Variants in KIAA0040 observed in about 807,000 individuals in gnomAD.
The protein encoded by KIAA0040 is KIAA0040.
Under a neutral mutation model 7.2 loss-of-function variants are expected in KIAA0040, and 10 were observed. The observed-to-expected ratio is 1.38, with a 90% CI of 0.85 to 2.34. The LOEUF is 2.34. KIAA0040 is among the 30% of genes most tolerant of loss of function. The pLI, the probability that KIAA0040 is intolerant of heterozygous loss-of-function variation, is 0.00. For missense variants in KIAA0040, 89 were observed against 108.2 expected (o/e 0.82, Z 0.79); for synonymous variants, 49 against 40.1 (o/e 1.22, Z -0.84).
At chr1:175,187,623 C>A (rs1677713061) in intron 1 of KIAA0040, among the ~76,000 whole-genome samples, 1 of 152,266 alleles carries the variant, frequency 6.6e-6, no homozygotes, top group South Asian at 2.1e-4. Context: ...TGTCACATGT[C>A]ATTTAAGTTA....
chr1:175,164,910 C>T (rs1321298681), intron 3 of KIAA0040, among the ~76,000 whole-genome samples: 2 of 152,120 alleles, frequency 1.3e-5, no homozygotes, highest in East Asian at 3.8e-4. Flanking sequence ...CACACTTCGG[C>T]CCCTGGAAGT....
intron 2 of KIAA0040, among the ~76,000 whole-genome samples, chr1:175,171,767 T>A (rs1677004359): frequency 6.6e-6 from 1 of 152,252 alleles, no homozygotes; most frequent in African/African-American, 2.4e-5. Flanking sequence ...GCTGGGACTT[T>A]CTGATAACAA....
intron 3 of KIAA0040, among the ~76,000 whole-genome samples, chr1:175,161,761 C>T (rs1676553518): frequency 6.6e-6 from 1 of 152,158 alleles, no homozygotes; most frequent in Admixed American, 6.5e-5. Flanking sequence ...CATGTCTCCT[C>T]CCCTCCTTAT....
chr1:175,179,175 T>C (rs1489183502), intron 1 of KIAA0040, among the ~76,000 whole-genome samples: 1 of 151,352 alleles, frequency 6.6e-6, no homozygotes, highest in Non-Finnish European at 1.5e-5. Context: ...TAAGGAAGAG[T>C]GGGAACTGAG....
At chr1:175,179,969 G>A (rs563715054) in intron 1 of KIAA0040, among the ~76,000 whole-genome samples, 3 of 152,252 alleles carry the variant, frequency 2.0e-5, no homozygotes, top group East Asian at 1.9e-4. Context: ...AATCCCCTTC[G>A]CAGTTTACAA....
In KIAA0040 at chr1:175,188,342, G is replaced by A. The variant is rs139623807; in HGVS notation, c.-384+4298C>T. Among the ~76,000 whole-genome samples, 72 of 152,318 alleles carry A rather than the reference G, an allele frequency of 4.7e-4. No homozygotes were observed. In the East Asian group the frequency reaches 0.01, roughly 22 times the overall value. On this transcript the variant is annotated intron_variant, in intron 1 of 3. Transcript: ENST00000423313. ...TGTTCAGATGGCTCAGACTGATGTG[G>A]CGGAAAAGCTAGAAACCTGGCCTGG...
Position 175,159,781 on chromosome 1 carries a change from A to G in KIAA0040, c.*933T>C, listed in dbSNP as rs1160556692. ...AGGTACACAGTTGCAGTCCACTGAC[A>G]TAAATGAGTGGGCTTCCATAATTTT... On this transcript the variant is annotated 3_prime_UTR_variant, in exon 4 of 4. Transcript: ENST00000423313. 4 of 152,256 alleles carry G rather than the reference A, an allele frequency of 2.6e-5. No homozygotes were observed. The highest frequency in any genetic ancestry group is 9.7e-5 in the African/African-American group (4 of 41,440). 9.4% of individuals were successfully genotyped at this position (152,256 alleles called of 1,614,324 possible).
At chr1:175,183,388 T>G (rs1677520732) in intron 1 of KIAA0040, among the ~76,000 whole-genome samples, 1 of 152,238 alleles carries the variant, frequency 6.6e-6, no homozygotes, top group South Asian at 2.1e-4. Flanking sequence ...GTGAGGGCTA[T>G]GCTATGTCCA....
chr1:175,188,069 T>G lies in KIAA0040; in HGVS notation c.-384+4571A>C, dbSNP rs1429902862. Among the ~76,000 whole-genome samples, 4 of 152,190 alleles carry G rather than the reference T, an allele frequency of 2.6e-5. No homozygotes were observed. In the East Asian group the frequency reaches 7.7e-4, roughly 29 times the overall value. On this transcript the variant is annotated intron_variant, in intron 1 of 3. Coordinates refer to ENST00000423313, the MANE Select transcript of KIAA0040 (RefSeq NM_014656.3). Reference sequence around the variant, plus strand: ...TCTAAATACAATCATCTCTTCAATTTTGACCAAGAACTACAGCAATGGTTA... The same window carrying G: ...TCTAAATACAATCATCTCTTCAATTGTGACCAAGAACTACAGCAATGGTTA...
chr1:175,174,812 T>TAC (rs1558395437), intron 2 of KIAA0040, among the ~76,000 whole-genome samples: 1 of 147,000 alleles, frequency 6.8e-6, no homozygotes, highest in Non-Finnish European at 1.5e-5. Flanking sequence ...CATATATATA[T>TAC]ATATATACAC....
intron 1 of KIAA0040, among the ~76,000 whole-genome samples, chr1:175,179,836 T>C (rs1677366834): frequency 6.6e-6 from 1 of 152,242 alleles, no homozygotes; most frequent in African/African-American, 2.4e-5. Context: ...TTGTTCAAAA[T>C]TGTAAAGCTG....
intron 1 of KIAA0040, among the ~76,000 whole-genome samples, chr1:175,189,988 T>C (rs1315606094): frequency 5.9e-5 from 9 of 152,198 alleles, no homozygotes; most frequent in Admixed American, 5.2e-4. Flanking sequence ...CAGACCTAAA[T>C]AACTACTCTG....
intron 1 of KIAA0040, among the ~76,000 whole-genome samples, chr1:175,182,145 T>C (rs1677465620): frequency 6.6e-6 from 1 of 152,166 alleles, no homozygotes; most frequent in African/African-American, 2.4e-5. Context: ...GATAGGGCCA[T>C]AGGCAGGAGT....
intron 1 of KIAA0040, among the ~76,000 whole-genome samples, chr1:175,178,295 T>A (rs1677287785): frequency 6.6e-6 from 1 of 152,212 alleles, no homozygotes; most frequent in Non-Finnish European, 1.5e-5. Context: ...GGCAGCACCT[T>A]CAGTGTGAGC....
At chr1:175,186,895 T>C in intron 1 of KIAA0040, among the ~76,000 whole-genome samples, 1 of 152,136 alleles carries the variant, frequency 6.6e-6, no homozygotes, top group Middle Eastern at 3.2e-3. Flanking sequence ...CATTATGGAA[T>C]GATGTGGGTC....
chr1:175,183,651 C>T (rs899034746), intron 1 of KIAA0040, among the ~76,000 whole-genome samples: 2 of 152,176 alleles, frequency 1.3e-5, no homozygotes, highest in Non-Finnish European at 2.9e-5. Context: ...GGGAGCCAGC[C>T]GAACAAGGGT....
chr1:175,172,250 T>C (rs934985239), intron 2 of KIAA0040, among the ~76,000 whole-genome samples: 5 of 152,198 alleles, frequency 3.3e-5, no homozygotes, highest in Non-Finnish European at 7.3e-5. Context: ...CTGTACTAAA[T>C]GTGAGTGAAT....
chr1:175,179,928 G>A (rs1677370510), intron 1 of KIAA0040, among the ~76,000 whole-genome samples: 2 of 152,146 alleles, frequency 1.3e-5, no homozygotes, highest in African/African-American at 4.8e-5. Context: ...CTCCTAAAAT[G>A]CAACAATGAG....
At position 175,160,431 on chromosome 1, in the gene KIAA0040, T is replaced by G. The variant is rs34814566; in HGVS notation, c.*283A>C. ...ATGTATGGATAAATGTTCTTTGTGC[T>G]TTGCATGTGGGGTATGCCAGAGACA... is the stretch of plus-strand genomic sequence containing the variant. On this transcript the variant is annotated 3_prime_UTR_variant, in exon 4 of 4. Coordinates refer to ENST00000423313, the MANE Select transcript of KIAA0040 (RefSeq NM_014656.3). 2,252 of 411,270 alleles carry G rather than the reference T, an allele frequency of 5.5e-3. 54 individuals carry two copies. The highest frequency in any genetic ancestry group is 0.042 in the African/African-American group (2,114 of 50,032). 25.5% of individuals were successfully genotyped at this position (411,270 alleles called of 1,614,324 possible). A position where few individuals can be genotyped will look rare whatever the true frequency, so the allele number is the denominator to read the frequency against.
Sources: allele counts gnomAD v4.1 joint callset (sites outside exome capture counted in the v4.1 genomes callset), GRCh38; gene constraint gnomAD v4.1.1; transcripts MANE v1.5; gene names NCBI Gene and HGNC (gene_info 2026-07-23, HGNC 2026-07-21).